DACH1: variants seen among roughly 807,000 people sequenced by gnomAD.
The protein encoded by DACH1 is dachshund homolog 1.
Under a neutral mutation model 54.2 loss-of-function variants are expected in DACH1, and 12 were observed. That is an observed-to-expected ratio of 0.22 (90% CI 0.14 to 0.36). The LOEUF (loss-of-function observed/expected upper bound fraction) is 0.36, where lower values mean the gene tolerates loss of function less well. Among genes scored for constraint, DACH1 ranks in the 10% least tolerant of loss-of-function variants. The pLI is 1.00. For synonymous variants in DACH1, 386 were observed against 366.2 expected (o/e 1.05, Z -0.62); for missense variants, 805 against 929.8 (o/e 0.87, Z 1.75).
intron 1 of DACH1, among the ~76,000 whole-genome samples, chr13:71,848,557 T>C (rs985743291): frequency 5.3e-5 from 8 of 152,100 alleles, no homozygotes; most frequent in Non-Finnish European, 1.2e-4. Flanking sequence ...AGTTTTTTTT[T>C]TTGGAAACAC....
At chr13:71,755,861 T>A (rs1163512992) in intron 1 of DACH1, among the ~76,000 whole-genome samples, 1 of 152,194 alleles carries the variant, frequency 6.6e-6, no homozygotes, top group Non-Finnish European at 1.5e-5. Flanking sequence ...CCATTACTTT[T>A]AAACTTATGA....
At chr13:71,556,203 C>T (rs1884239272) in intron 6 of DACH1, among the ~76,000 whole-genome samples, 1 of 152,008 alleles carries the variant, frequency 6.6e-6, no homozygotes, top group Non-Finnish European at 1.5e-5. Flanking sequence ...TTAATTGTGC[C>T]CCTTTTATGT....
intron 6 of DACH1, among the ~76,000 whole-genome samples, chr13:71,542,207 G>A (rs1199146065): frequency 1.3e-5 from 2 of 151,786 alleles, no homozygotes; most frequent in Admixed American, 6.6e-5. Flanking sequence ...CTGAGATTGC[G>A]CCATTGCACT....
At chr13:71,756,627 C>T (rs957751462) in intron 1 of DACH1, among the ~76,000 whole-genome samples, 14 of 152,060 alleles carry the variant, frequency 9.2e-5, no homozygotes, top group Non-Finnish European at 1.9e-4. Flanking sequence ...ATAGATAGGG[C>T]AGGATTCCTC....
intron 2 of DACH1, among the ~76,000 whole-genome samples, chr13:71,635,699 G>A (rs934972800): frequency 4.6e-5 from 7 of 151,924 alleles, no homozygotes; most frequent in Admixed American, 2.0e-4. Flanking sequence ...TTCAGATTCA[G>A]GGAAATTTTT....
At chr13:71,607,457 C>T (rs771819210) in intron 3 of DACH1, among the ~76,000 whole-genome samples, 18 of 151,746 alleles carry the variant, frequency 1.2e-4, no homozygotes, top group Non-Finnish European at 2.5e-4. Flanking sequence ...TTTCTGATAT[C>T]GCTGTTACAT....
chr13:71,620,370 A>G (rs564643381), intron 3 of DACH1, among the ~76,000 whole-genome samples: 1 of 151,934 alleles, frequency 6.6e-6, no homozygotes, highest in Non-Finnish European at 1.5e-5. Context: ...AATAAAGACT[A>G]TTTCTCCCAA....
rs1308664530 is a variant in DACH1 at position 71,579,125 on chromosome 13, G to A, written c.1127-6113C>T. ...ATGTGAAACTCTTGCCATACCAGGG[G>A]ACTTTTATCTTACCTATGATGTTTT... On this transcript the variant is annotated intron_variant, in intron 3 of 10. Coordinates refer to ENST00000613252, the MANE Select transcript of DACH1 (RefSeq NM_080759.6). 2.0e-5 allele frequency among the ~76,000 whole-genome samples: 3 copies of A among 151,990 alleles called. No homozygotes were observed. The East Asian group carries it at 5.8e-4, about 29-fold the overall frequency.
intron 1 of DACH1, among the ~76,000 whole-genome samples, chr13:71,789,204 T>C (rs1886730308): frequency 1.3e-5 from 2 of 152,148 alleles, no homozygotes; most frequent in South Asian, 2.1e-4. Flanking sequence ...GATTTTACTC[T>C]GTTTAGATCA....
chr13:71,807,217 T>C (rs575437862), intron 1 of DACH1, among the ~76,000 whole-genome samples: 1 of 152,306 alleles, frequency 6.6e-6, no homozygotes, highest in East Asian at 1.9e-4. Flanking sequence ...GGTAGTTTTA[T>C]GTCCAAAAAC....
chr13:71,639,286 G>T lies in DACH1; in HGVS notation c.965-8569C>A, dbSNP rs535069394. Among the ~76,000 whole-genome samples the T allele has an allele frequency of 3.9e-5, 6 of 152,248 alleles. No individual in the cohort carries two copies. In the South Asian group the frequency reaches 1.2e-3, roughly 32 times the overall value. On this transcript the variant is annotated intron_variant, in intron 2 of 10. Transcript: ENST00000613252. ...GATTAAATAACCAGAATGATAAGCAGATAGAACAAAAAACTTAATTGTAAA... is the reference window on the plus strand; with the variant it reads ...GATTAAATAACCAGAATGATAAGCATATAGAACAAAAAACTTAATTGTAAA...
chr13:71,748,249 T>A (rs1884694342), intron 1 of DACH1, among the ~76,000 whole-genome samples: 1 of 151,804 alleles, frequency 6.6e-6, no homozygotes, highest in Non-Finnish European at 1.5e-5. Context: ...ACATTGTCTC[T>A]GCTCAGCAAA....
At chr13:71,471,170 A>T (rs1378806350) in intron 10 of DACH1, among the ~76,000 whole-genome samples, 1 of 152,108 alleles carries the variant, frequency 6.6e-6, no homozygotes, top group Non-Finnish European at 1.5e-5. Context: ...GGAGGGAAAG[A>T]GTCGTGACTG....
chr13:71,568,977 TTCC>T (rs1159106744), intron 4 of DACH1, among the ~76,000 whole-genome samples: 1 of 152,028 alleles, frequency 6.6e-6, no homozygotes, highest in Admixed American at 6.6e-5. Context: ...GTATGTCAAT[TTCC>T]TCCTCAAAAT....
At chr13:71,787,377 A>T (rs893019062) in intron 1 of DACH1, among the ~76,000 whole-genome samples, 2 of 152,214 alleles carry the variant, frequency 1.3e-5, no homozygotes, top group Non-Finnish European at 2.9e-5. Context: ...TGAAATTTTT[A>T]AAAAGGTAAT....
At chr13:71,526,057 G>C (rs1422351653) in intron 6 of DACH1, among the ~76,000 whole-genome samples, 1 of 152,024 alleles carries the variant, frequency 6.6e-6, no homozygotes, top group Non-Finnish European at 1.5e-5. Flanking sequence ...CAAAAATATT[G>C]CTTTATACAA....
intron 1 of DACH1, among the ~76,000 whole-genome samples, chr13:71,847,514 A>C (rs932683129): frequency 1.3e-5 from 2 of 152,208 alleles, no homozygotes; most frequent in African/African-American, 4.8e-5. Flanking sequence ...TCAAGTTATA[A>C]AGTCTATTTA....
At chr13:71,796,402 A>T (rs1439702387) in intron 1 of DACH1, among the ~76,000 whole-genome samples, 1 of 152,126 alleles carries the variant, frequency 6.6e-6, no homozygotes, top group East Asian at 1.9e-4. Context: ...TTTCAATAAC[A>T]CATAGTATAT....
intron 1 of DACH1, among the ~76,000 whole-genome samples, chr13:71,741,974 G>T (rs1884407149): frequency 6.6e-6 from 1 of 152,146 alleles, no homozygotes; most frequent in African/African-American, 2.4e-5. Flanking sequence ...AACTTGAATT[G>T]TATCTCCCAC....
Sources: gnomAD v4.1 joint callset for allele counts (sites outside exome capture counted in the v4.1 genomes callset) on GRCh38, gnomAD v4.1.1 for gene constraint, MANE v1.5 for transcripts, NCBI Gene and HGNC (gene_info 2026-07-23, HGNC 2026-07-21) for gene names.